Variants in ENOX1 observed in about 807,000 individuals in gnomAD.
ENOX1 encodes the protein candidate growth-related and time keeping constitutive hydroquinone (NADH) oxidase.
Under a neutral mutation model 82.5 loss-of-function variants are expected in ENOX1, and 42 were observed. The observed-to-expected ratio is 0.51, with a 90% CI of 0.40 to 0.66. The LOEUF is 0.66. ENOX1 is among the 30% of genes least tolerant of loss of function. The probability of loss-of-function intolerance (pLI) is 0.00; values close to 1 mark genes in which losing one functional copy is unlikely to be tolerated. For missense variants in ENOX1, 608 were observed against 811.6 expected, an observed-to-expected ratio of 0.75 and a Z score of 3.05; for synonymous variants, 271 against 282.2, an observed-to-expected ratio of 0.96 and a Z score of 0.40.
intron 3 of ENOX1, among the ~76,000 whole-genome samples, chr13:43,472,250 C>T (rs939030495): frequency 3.9e-5 from 6 of 152,152 alleles, no homozygotes; most frequent in East Asian, 1.9e-4. Flanking sequence ...AAGCATAGAA[C>T]GTCTGTAGCC....
chr13:43,293,572 T>G (rs2046127362), intron 12 of ENOX1, among the ~76,000 whole-genome samples: 1 of 152,210 alleles, frequency 6.6e-6, no homozygotes, highest in Non-Finnish European at 1.5e-5. Context: ...ATCTTGATTT[T>G]GACATATAAC....
At chr13:43,706,596 CA>C (rs754396708) in intron 1 of ENOX1, among the ~76,000 whole-genome samples, 19 of 151,356 alleles carry the variant, frequency 1.3e-4, no homozygotes, top group Non-Finnish European at 2.4e-4. Flanking sequence ...GTTCAACATT[CA>C]AAACTGTATC....
At chr13:43,695,770 C>T (rs1278811963) in intron 1 of ENOX1, among the ~76,000 whole-genome samples, 1 of 152,054 alleles carries the variant, frequency 6.6e-6, no homozygotes, top group Non-Finnish European at 1.5e-5. Flanking sequence ...TCACTTTTTA[C>T]AAAATAACAG....
At chr13:43,291,200 G>A (rs571024334) in intron 12 of ENOX1, among the ~76,000 whole-genome samples, 4 of 152,260 alleles carry the variant, frequency 2.6e-5, no homozygotes, top group African/African-American at 9.6e-5. Flanking sequence ...AGGAAGAACT[G>A]TTTGTTCTTC....
At chr13:43,561,322 G>A (rs1276843613) in intron 2 of ENOX1, among the ~76,000 whole-genome samples, 4 of 152,098 alleles carry the variant, frequency 2.6e-5, no homozygotes, top group African/African-American at 9.7e-5. Flanking sequence ...AGATAGAGAG[G>A]CAGAGTATAC....
intron 12 of ENOX1, among the ~76,000 whole-genome samples, chr13:43,279,075 G>A (rs1282074792): frequency 6.6e-6 from 1 of 152,160 alleles, no homozygotes; most frequent in Non-Finnish European, 1.5e-5. Context: ...GGCCTGTTGG[G>A]CTAGGGGCTG....
intron 5 of ENOX1, among the ~76,000 whole-genome samples, chr13:43,374,099 C>A (rs558514254): frequency 1.0e-4 from 15 of 148,936 alleles, no homozygotes; most frequent in African/African-American, 2.2e-4. Context: ...CCCTTCTCTC[C>A]CCTCCCTTCC....
chr13:43,600,748 C>T (rs2081674011), intron 2 of ENOX1, among the ~76,000 whole-genome samples: 1 of 152,196 alleles, frequency 6.6e-6, no homozygotes, highest in Non-Finnish European at 1.5e-5. Flanking sequence ...CTTCAGGTCT[C>T]ACACAGCACA....
rs1253072473 is a variant in ENOX1, at chr13:43,236,716, G to A, written c.1634C>T (p.Ala545Val). The A allele has an allele frequency of 1.3e-6, 2 of 1,583,134 alleles. No individual in the cohort carries two copies. Among genetic ancestry groups the A allele is most frequent in the Non-Finnish European group, 1.7e-6 (2 of 1,171,876 alleles). Residue 545 changes from alanine (A) to valine (V), a missense_variant, in exon 15 of 17, where the codon GCA becomes GTA. Ala to Val is a moderately conservative substitution (Grantham distance 64). Transcript: ENST00000690772. Reference sequence around the variant, plus strand: ...GTTCTCTCGGTCTTGGTTGACTAATGCAACTGTCAACACATTGATTTCCTA... The same window carrying A: ...GTTCTCTCGGTCTTGGTTGACTAATACAACTGTCAACACATTGATTTCCTA... ...DSNEINVLTV[A>V]LVNQDRENNI...
intron 2 of ENOX1, among the ~76,000 whole-genome samples, chr13:43,609,282 T>C (rs2082101458): frequency 1.3e-5 from 2 of 152,158 alleles, no homozygotes; most frequent in Admixed American, 1.3e-4. Flanking sequence ...AGATACTTCT[T>C]AGGTTATCTA....
intron 1 of ENOX1, among the ~76,000 whole-genome samples, chr13:43,709,386 T>C (rs985037782): frequency 7.2e-5 from 11 of 152,042 alleles, no homozygotes; most frequent in African/African-American, 2.7e-4. Flanking sequence ...GCAAAATAAA[T>C]ATTAAATAAC....
chr13:43,297,641 C>G (rs9525758), intron 12 of ENOX1, among the ~76,000 whole-genome samples: 43,490 of 152,102 alleles, frequency 0.29, 8,202 homozygotes, highest in Non-Finnish European at 0.43. Context: ...CCCCTCCTGT[C>G]GACATTTTAT....
chr13:43,492,800 A>G (rs1460405160), intron 2 of ENOX1, among the ~76,000 whole-genome samples: 1 of 152,214 alleles, frequency 6.6e-6, no homozygotes. Context: ...GTGATAGTTA[A>G]TTTTATGTTG....
At chr13:43,404,131 C>T (rs181903910) in intron 5 of ENOX1, among the ~76,000 whole-genome samples, 13 of 152,250 alleles carry the variant, frequency 8.5e-5, no homozygotes, top group Middle Eastern at 3.4e-3. Context: ...TAAAACAAGT[C>T]AGATGCTTTT....
At chr13:43,315,159 C>T (rs1327497517) in intron 11 of ENOX1, among the ~76,000 whole-genome samples, 1 of 152,156 alleles carries the variant, frequency 6.6e-6, no homozygotes, top group Non-Finnish European at 1.5e-5. Flanking sequence ...AATGTTATAA[C>T]ACAATTTTGT....
chr13:43,260,023 C>A (rs920507029), intron 14 of ENOX1, among the ~76,000 whole-genome samples: 3 of 152,170 alleles, frequency 2.0e-5, no homozygotes, highest in Admixed American at 1.3e-4. Context: ...TTCTCTCTCA[C>A]GCCTCCCTGC....
chr13:43,432,407 G>A lies in ENOX1; in HGVS notation c.-74-19419C>T, dbSNP rs1039864200. The stretch of plus-strand genomic sequence containing the variant: ...TGTAATCCCAGCACTTTGGGAGGCC[G>A]AGGCAGGTGGATCAATTTGACGCCA... On this transcript the variant is annotated intron_variant, in intron 3 of 16. Transcript: ENST00000690772. Among the ~76,000 whole-genome samples, 59 of 152,282 alleles carry A rather than the reference G, an allele frequency of 3.9e-4. No homozygotes were observed. The Middle Eastern group carries it at 0.014, about 35-fold the overall frequency.
At chr13:43,571,406 C>T (rs183073851) in intron 2 of ENOX1, among the ~76,000 whole-genome samples, 309 of 152,048 alleles carry the variant, frequency 2.0e-3, no homozygotes, top group Admixed American at 4.7e-3. Context: ...AGGCCGGGCG[C>T]GGTGGCTTAC....
chr13:43,243,584 G>A (rs1349647616), intron 14 of ENOX1, among the ~76,000 whole-genome samples: 1 of 152,128 alleles, frequency 6.6e-6, no homozygotes, highest in Non-Finnish European at 1.5e-5. Flanking sequence ...CACTGCACCT[G>A]GCAGATTTCA....
Sources: allele counts gnomAD v4.1 joint callset (sites outside exome capture counted in the v4.1 genomes callset), GRCh38; gene constraint gnomAD v4.1.1; transcripts MANE v1.5; gene names NCBI Gene and HGNC (gene_info 2026-07-23, HGNC 2026-07-21).